The following MX1 variants were observed in gnomAD, a reference collection of about 807,000 sequenced individuals.
MX1 encodes the protein MX dynamin like GTPase 1.
In MX1, 66 loss-of-function variants were observed where a neutral mutation model predicts 66.4. The observed-to-expected ratio is 0.99, with a 90% CI of 0.82 to 1.22. The LOEUF (loss-of-function observed/expected upper bound fraction) is 1.22. MX1 is among the 50% of genes most tolerant of loss of function. MX1 has a pLI of 0.00. For synonymous variants in MX1, 311 were observed against 318.1 expected (o/e 0.98, Z 0.24); for missense variants, 787 against 834.3 (o/e 0.94, Z 0.70).
chr21:41,451,834 C>CAAAAAAAAAAA (rs559021046), intron 15 of MX1, among the ~76,000 whole-genome samples: 1 of 51,486 alleles, frequency 1.9e-5, no homozygotes. Flanking sequence ...GACCCCGTCT[C>CAAAAAAAAAAA]AAAAAAAAAA....
At chr21:41,449,808 T>G (rs1300800866) in intron 14 of MX1, 1 of 152,342 alleles carries the variant, frequency 6.6e-6, no homozygotes, top group Non-Finnish European at 1.5e-5. Flanking sequence ...AGGGAGCTCT[T>G]GGAACCTCAC....
intron 13 of MX1, among the ~76,000 whole-genome samples, 189 bp from the exon 14 acceptor site, chr21:41,448,943 TGTGTG>T (rs2090746653): frequency 8.2e-5 from 3 of 36,734 alleles, no homozygotes; most frequent in Admixed American, 6.6e-4. Flanking sequence ...TGTGTGTGTG[TGTGTG>T]TGTGTGTGTG....
chr21:41,427,227 C>T lies in MX1; in HGVS notation c.-287C>T, dbSNP rs987879138. On this transcript the variant is annotated 5_prime_UTR_variant, in exon 2 of 17. Transcript: ENST00000398598. Reference sequence around the variant, plus strand: ...TCAGCCTTGGACCGCAGTTGCCGGCCAGGAATCCCAGTGTCACGGTGGACA... The same window carrying T: ...TCAGCCTTGGACCGCAGTTGCCGGCTAGGAATCCCAGTGTCACGGTGGACA... 2 of 152,256 alleles carry T rather than the reference C, an allele frequency of 1.3e-5. No homozygotes were observed. Among genetic ancestry groups the T allele is most frequent in the African/African-American group, 4.8e-5 (2 of 41,464 alleles). The allele number at this position is 152,256 out of a possible 1,614,324, so 9.4% of individuals were successfully genotyped here.
intron 13 of MX1, among the ~76,000 whole-genome samples, chr21:41,447,534 C>T (rs749126792): frequency 6.6e-6 from 1 of 152,104 alleles, no homozygotes; most frequent in Non-Finnish European, 1.5e-5. Flanking sequence ...AAAGGCCACA[C>T]GGTCTATGAT....
At position 41,450,325 on chromosome 21, in the gene MX1, G is replaced by A. The variant is rs138356813; in HGVS notation, c.1433-842G>A. Among the ~76,000 whole-genome samples the A allele has an allele frequency of 1.2e-4, 19 of 152,210 alleles. No individual in the cohort carries two copies. The East Asian group carries it at 3.5e-3, about 28-fold the overall frequency. On this transcript the variant is annotated intron_variant, in intron 14 of 16. Transcript: ENST00000398598. ...AATGCTTTGCTTTCTTGGTTTTCCA[G>A]GTATTAAATCTCTATTCTTCATCCT...
chr21:41,457,640 A>G (rs1259038218), intron 16 of MX1, among the ~76,000 whole-genome samples: 1 of 152,138 alleles, frequency 6.6e-6, no homozygotes, highest in Non-Finnish European at 1.5e-5. Flanking sequence ...TTTACCATCT[A>G]GTGCAGCCAG....
At chr21:41,443,473 T>C (rs761809496) in intron 10 of MX1, 1 of 322,652 alleles carries the variant, frequency 3.1e-6, no homozygotes. Context: ...GAAGGGGGTA[T>C]GTGTTATAAA....
intron 15 of MX1, 48 bp downstream of exon 15, chr21:41,451,291 A>G (rs1444661276): frequency 1.7e-6 from 2 of 1,167,962 alleles, no homozygotes; most frequent in South Asian, 2.6e-5. Flanking sequence ...AAAGAAATTA[A>G]GCTTGACACT....
chr21:41,441,639 G>C lies in MX1; in HGVS notation c.731-77G>C. 1 of 1,464,058 alleles carries C rather than the reference G, an allele frequency of 6.8e-7. No individual in the cohort carries two copies. 90.7% of individuals were successfully genotyped at this position (1,464,058 alleles called of 1,614,324 possible). A position where few individuals can be genotyped will look rare whatever the true frequency, so the allele number is the denominator to read the frequency against. ...GGATGGGAGGAAACCCTGGGAGGCC[G>C]GGGGCGTGAGCAGTTGTTCGTTCAC... On this transcript the variant is annotated intron_variant, in intron 9 of 16. Coordinates refer to ENST00000398598, the MANE Select transcript of MX1 (RefSeq NM_002462.5). This position sits in a 1 kb window ranked among gnomAD's most constrained non-coding sequence, Gnocchi z 4.0.
upstream of MX1, among the ~76,000 whole-genome samples, chr21:41,424,744 G>A (rs2090030157): frequency 1.3e-5 from 2 of 152,164 alleles, no homozygotes; most frequent in Non-Finnish European, 2.9e-5. Context: ...TAAAACTCTA[G>A]CCAAGGAAGA....
intron 11 of MX1, 72 bp from the exon 12 acceptor site, chr21:41,445,376 A>T (rs2090631872): frequency 1.9e-6 from 3 of 1,563,114 alleles, no homozygotes; most frequent in Non-Finnish European, 2.6e-6. Context: ...CTGCAGAGGG[A>T]GGCCCGGGAC....
At chr21:41,420,968 G>T (rs890785556) in intron 1 of MX1, among the ~76,000 whole-genome samples, 1 of 151,896 alleles carries the variant, frequency 6.6e-6, no homozygotes, top group Non-Finnish European at 1.5e-5. Flanking sequence ...TATAGAGAAA[G>T]AAATAAGGGG....
intron 1 of MX1, chr21:41,420,913 A>T (rs945089023): frequency 6.6e-6 from 1 of 152,308 alleles, no homozygotes; most frequent in Admixed American, 6.5e-5. Flanking sequence ...GTTTCTCGTT[A>T]GGTGGAAGGA....
intron 13 of MX1, among the ~76,000 whole-genome samples, chr21:41,446,411 G>A (rs1459994381): frequency 6.6e-6 from 1 of 152,106 alleles, no homozygotes; most frequent in Non-Finnish European, 1.5e-5. Context: ...GATATTGTGG[G>A]TTCAGTTCCA....
chr21:41,451,163 T>G lies in MX1; in HGVS notation c.1433-4T>G, dbSNP rs201169335. The stretch of plus-strand genomic sequence containing the variant: ...TATTGAACTATTTTTCTCTCTTTGA[T>G]TAGATATGGTCCGGCTTGCTTTCAC... On this transcript the variant is annotated splice_polypyrimidine_tract_variant and splice_region_variant and intron_variant, in intron 14 of 16. Coordinates refer to ENST00000398598, the MANE Select transcript of MX1 (RefSeq NM_002462.5). 1.8e-5 allele frequency: 29 copies of G among 1,600,428 alleles called. No homozygotes were observed. The highest frequency in any genetic ancestry group is 2.5e-5 in the Non-Finnish European group (29 of 1,169,080).
intron 5 of MX1, 45 bp from the exon 6 acceptor site, chr21:41,435,792 A>G (rs2090340683): frequency 6.3e-7 from 1 of 1,577,136 alleles, no homozygotes; most frequent in East Asian, 2.3e-5. Flanking sequence ...TATCATGAGC[A>G]TGATTTGCAG....
At chr21:41,439,992 G>T in intron 8 of MX1, 144 bp downstream of exon 8, 1 of 825,302 alleles carries the variant, frequency 1.2e-6, no homozygotes. Flanking sequence ...TGTGAGTGGG[G>T]AATTTAGAGA....
Position 41,452,787 on chromosome 21 carries a change from G to T in MX1, c.1676G>T (p.Trp559Leu), listed in dbSNP as rs780255327. The T allele has an allele frequency of 3.3e-5, 54 of 1,614,030 alleles. No individual in the cohort carries two copies. Among genetic ancestry groups the T allele is most frequent in the Non-Finnish European group, 4.5e-5 (53 of 1,180,034 alleles). Residue 559 changes from tryptophan to leucine, a missense_variant, in exon 16 of 17, where the codon TGG becomes TTG. Coordinates refer to ENST00000398598, the MANE Select transcript of MX1 (RefSeq NM_002462.5). ...GAAGAAGAAAAGAAGAAGAAATCCT[G>T]GGATTTTGGGGCTTTCCAGTCCAGC... ...ELEEEKKKKS[W>L]DFGAFQSSSA...
intron 16 of MX1, among the ~76,000 whole-genome samples, chr21:41,453,187 G>A (rs1349481232): frequency 1.3e-5 from 2 of 152,146 alleles, no homozygotes; most frequent in East Asian, 1.9e-4. Context: ...AAGTGAAAGG[G>A]GTTTCCCCTT....
Sources: gnomAD v4.1 joint callset for allele counts (sites outside exome capture counted in the v4.1 genomes callset) on GRCh38, gnomAD v4.1.1 for gene constraint, Gnocchi (gnomAD v3.1) non-coding constraint, MANE v1.5 for transcripts, NCBI Gene and HGNC (gene_info 2026-07-23, HGNC 2026-07-21) for gene names.